PTPRM: variants seen among roughly 807,000 people sequenced by gnomAD.
PTPRM encodes the protein protein tyrosine phosphatase receptor type M, also known as receptor-type tyrosine-protein phosphatase mu.
PTPRM carries 47 observed loss-of-function variants against 186.7 expected under a neutral mutation model. That is an observed-to-expected ratio of 0.25 (90% confidence interval 0.20 to 0.32). The LOEUF (loss-of-function observed/expected upper bound fraction) is 0.32, where lower values mean the gene tolerates loss of function less well. Among genes scored for constraint, PTPRM ranks in the 10% least tolerant of loss-of-function variants. The pLI is 1.00. For synonymous variants in PTPRM, 668 were observed against 674.9 expected, an observed-to-expected ratio of 0.99 and a Z score of 0.16; for missense variants, 1,494 against 1,865.0, an observed-to-expected ratio of 0.80 and a Z score of 3.66.
At chr18:8,332,431 C>T (rs924729331) in intron 22 of PTPRM, among the ~76,000 whole-genome samples, 21 of 152,146 alleles carry the variant, frequency 1.4e-4, no homozygotes, top group African/African-American at 5.1e-4. Context: ...TTTAGAAATA[C>T]ACCCAGAAAC....
chr18:7,790,851 C>T (rs1437763011), intron 2 of PTPRM, among the ~76,000 whole-genome samples: 23 of 151,540 alleles, frequency 1.5e-4, no homozygotes, highest in Non-Finnish European at 1.5e-5. Flanking sequence ...GGTAACCTTC[C>T]GAGGTAGCTC....
At chr18:8,394,023 A>G (rs12454386) in intron 31 of PTPRM, among the ~76,000 whole-genome samples, 7,437 of 152,188 alleles carry the variant, frequency 0.049, 214 homozygotes, top group East Asian at 0.12. Context: ...CGATCTCCTG[A>G]CCTCGTGATC....
chr18:8,047,029 T>G (rs1227931094), intron 7 of PTPRM, among the ~76,000 whole-genome samples: 1 of 152,214 alleles, frequency 6.6e-6, no homozygotes, highest in Non-Finnish European at 1.5e-5. Flanking sequence ...AAGATTTGAT[T>G]CTTCCCTGAG....
chr18:8,240,618 G>GGAGAGAGAGAGA (rs372227037), intron 14 of PTPRM, among the ~76,000 whole-genome samples: 1 of 34,826 alleles, frequency 2.9e-5, no homozygotes, highest in African/African-American at 1.6e-4. Context: ...AGAGAGGGAG[G>GGAGAGAGAGAGA]GAGAGAGAGA....
rs549312780 is a variant in PTPRM at position 7,785,593 on chromosome 18, T to C, written c.196+11322T>C. On this transcript the variant is annotated intron_variant, in intron 2 of 32. Coordinates refer to ENST00000580170, the MANE Select transcript of PTPRM (RefSeq NM_001105244.2). ...AATGTGGGGCTACAAGAGACATTAA[T>C]TGAGGTACACCGACTTCGTGTCATG... Among the ~76,000 whole-genome samples, 70 of 152,332 alleles carry C rather than the reference T, an allele frequency of 4.6e-4. 1 individual carries two copies. In the South Asian group the frequency reaches 0.014, roughly 30 times the overall value.
chr18:7,695,059 A>G (rs1211788791), intron 1 of PTPRM, among the ~76,000 whole-genome samples: 1 of 152,166 alleles, frequency 6.6e-6, no homozygotes, highest in Non-Finnish European at 1.5e-5. Context: ...ACAGAGGTTT[A>G]GAGTGTGATT....
chr18:8,040,717 A>G (rs950395188), intron 7 of PTPRM, among the ~76,000 whole-genome samples: 1 of 152,204 alleles, frequency 6.6e-6, no homozygotes, highest in African/African-American at 2.4e-5. Flanking sequence ...ATTTCTGTTC[A>G]TTCTGGACCT....
intron 13 of PTPRM, among the ~76,000 whole-genome samples, chr18:8,134,057 G>T (rs769612055): frequency 3.3e-5 from 5 of 152,066 alleles, no homozygotes; most frequent in East Asian, 1.9e-4. Context: ...ACCCAAGGGC[G>T]GAATAAACCT....
At chr18:7,635,442 A>C (rs2038289976) in intron 1 of PTPRM, among the ~76,000 whole-genome samples, 1 of 152,176 alleles carries the variant, frequency 6.6e-6, no homozygotes, top group African/African-American at 2.4e-5. Context: ...GTTAGCACCC[A>C]ATAAATATTA....
At chr18:8,361,917 A>G (rs1158555683) in intron 23 of PTPRM, among the ~76,000 whole-genome samples, 3 of 152,198 alleles carry the variant, frequency 2.0e-5, no homozygotes, top group Non-Finnish European at 4.4e-5. Flanking sequence ...TTATCCTTCT[A>G]TCTAGAAGAA....
At chr18:7,737,534 A>C (rs1344281325) in intron 1 of PTPRM, among the ~76,000 whole-genome samples, 2 of 152,182 alleles carry the variant, frequency 1.3e-5, no homozygotes, top group African/African-American at 2.4e-5. Flanking sequence ...CATAGATTAG[A>C]CAGACTCCAG....
intron 1 of PTPRM, among the ~76,000 whole-genome samples, chr18:7,693,909 G>C (rs1212376227): frequency 1.3e-5 from 2 of 152,126 alleles, no homozygotes; most frequent in Admixed American, 1.3e-4. Context: ...AGATAGGACT[G>C]GCGTTTTCAA....
intron 3 of PTPRM, among the ~76,000 whole-genome samples, chr18:7,903,907 T>C (rs145889687): frequency 1.1e-3 from 163 of 152,284 alleles, no homozygotes; most frequent in Non-Finnish European, 2.0e-3. Flanking sequence ...GTTTGAGCAA[T>C]GTGTAGAAGT....
At chr18:7,593,835 T>A (rs12970428) in intron 1 of PTPRM, among the ~76,000 whole-genome samples, 3 of 152,138 alleles carry the variant, frequency 2.0e-5, no homozygotes, top group Non-Finnish European at 2.9e-5. Flanking sequence ...ACATTGTAAA[T>A]CTCAACAGCT....
chr18:8,239,423 C>T (rs1469184536), intron 14 of PTPRM, among the ~76,000 whole-genome samples: 2 of 152,028 alleles, frequency 1.3e-5, no homozygotes, highest in African/African-American at 4.8e-5. Context: ...GGGGATTTGT[C>T]TCAAATCTTC....
At chr18:8,099,139 T>TCTCTC (rs1568338568) in intron 11 of PTPRM, among the ~76,000 whole-genome samples, 1 of 149,510 alleles carries the variant, frequency 6.7e-6, no homozygotes, top group African/African-American at 2.5e-5. Flanking sequence ...CACAGTCTCT[T>TCTCTC]TCTCTCTCTC....
chr18:7,734,148 A>C (rs569700219), intron 1 of PTPRM, among the ~76,000 whole-genome samples: 2 of 152,328 alleles, frequency 1.3e-5, no homozygotes, highest in African/African-American at 4.8e-5. Context: ...TTCTGAGCTC[A>C]CTAGGACAAT....
At chr18:8,080,634 T>A (rs1175694111) in intron 9 of PTPRM, among the ~76,000 whole-genome samples, 1 of 152,164 alleles carries the variant, frequency 6.6e-6, no homozygotes, top group Non-Finnish European at 1.5e-5. Context: ...ATCCTTAGCC[T>A]GGATAACTGG....
intron 5 of PTPRM, among the ~76,000 whole-genome samples, chr18:7,943,296 T>C (rs2052310421): frequency 6.6e-6 from 1 of 152,202 alleles, no homozygotes; most frequent in East Asian, 1.9e-4. Context: ...TGTCTCTTCA[T>C]GCCTTCCTGG....
Sources: gnomAD v4.1 joint callset for allele counts (sites outside exome capture counted in the v4.1 genomes callset) on GRCh38, gnomAD v4.1.1 for gene constraint, MANE v1.5 for transcripts, NCBI Gene and HGNC (gene_info 2026-07-23, HGNC 2026-07-21) for gene names.